The following RBFOX1 variants were observed in gnomAD, a reference collection of about 807,000 sequenced individuals.
RBFOX1 encodes RNA binding fox-1 homolog 1, also known as RNA binding protein fox-1 homolog 1.
A neutral mutation model predicts 57.7 loss-of-function variants in RBFOX1; 8 were observed. The ratio of observed to expected loss-of-function variants is 0.14; its 90% CI spans 0.08 to 0.25. The LOEUF (loss-of-function observed/expected upper bound fraction) is 0.25, where lower values mean the gene tolerates loss of function less well. Among genes scored for constraint, RBFOX1 ranks in the 10% least tolerant of loss-of-function variants. The pLI, the probability that RBFOX1 is intolerant of heterozygous loss-of-function variation, is 1.00. For synonymous variants in RBFOX1, 326 were observed against 222.4 expected (o/e 1.47, Z -4.15); for missense variants, 611 against 548.5 (o/e 1.11, Z -1.14).
At chr16:6,167,827 A>G (rs941007168) in intron 1 of RBFOX1, among the ~76,000 whole-genome samples, 1 of 152,160 alleles carries the variant, frequency 6.6e-6, no homozygotes, top group Non-Finnish European at 1.5e-5. Context: ...CATAGCAGGC[A>G]TCTAAGGCTT....
At chr16:6,477,670 C>T (rs927856301) in intron 2 of RBFOX1, among the ~76,000 whole-genome samples, 1 of 152,192 alleles carries the variant, frequency 6.6e-6, no homozygotes, top group Admixed American at 6.5e-5. Context: ...GCTGTATTAG[C>T]CCCTAATAAG....
chr16:6,859,556 A>C (rs2142459617), intron 3 of RBFOX1, among the ~76,000 whole-genome samples: 1 of 152,110 alleles, frequency 6.6e-6, no homozygotes, highest in South Asian at 2.1e-4. Context: ...CTGCCTGTGG[A>C]AATCTGAATT....
At chr16:7,360,090 C>T (rs757605322) in intron 4 of RBFOX1, among the ~76,000 whole-genome samples, 1 of 152,104 alleles carries the variant, frequency 6.6e-6, no homozygotes, top group Non-Finnish European at 1.5e-5. Context: ...ATATTCCCTC[C>T]CCCTATGATG....
At chr16:5,286,017 A>G (rs545905375) in intron 1 of RBFOX1, among the ~76,000 whole-genome samples, 3 of 152,264 alleles carry the variant, frequency 2.0e-5, no homozygotes, top group African/African-American at 4.8e-5. Flanking sequence ...TGATCTGCCC[A>G]CATCGGCCTC....
At chr16:5,734,065 C>G (rs187930318) in intron 3 of RBFOX1, among the ~76,000 whole-genome samples, 5 of 152,152 alleles carry the variant, frequency 3.3e-5, no homozygotes, top group African/African-American at 1.2e-4. Flanking sequence ...GGCACTTTCC[C>G]AGGGTGTTTA....
intron 2 of RBFOX1, among the ~76,000 whole-genome samples, chr16:6,545,686 T>C (rs115777943): frequency 4.3e-4 from 66 of 152,326 alleles, no homozygotes; most frequent in African/African-American, 1.5e-3. Flanking sequence ...CCAGAACCCA[T>C]GTTAGTGGCA....
intron 1 of RBFOX1, among the ~76,000 whole-genome samples, chr16:5,370,258 CAACAGACTTGT>C (rs1196463868): frequency 2.0e-5 from 3 of 152,132 alleles, no homozygotes; most frequent in Non-Finnish European, 2.9e-5. Context: ...ATTGAAAGCA[CAACAGACTTGT>C]AACAGACAAG....
At chr16:6,513,471 C>T (rs900980701) in intron 2 of RBFOX1, among the ~76,000 whole-genome samples, 6 of 152,144 alleles carry the variant, frequency 3.9e-5, no homozygotes, top group South Asian at 2.1e-4. Context: ...CGGTGGCTCA[C>T]GTCTGTAATC....
intron 4 of RBFOX1, among the ~76,000 whole-genome samples, chr16:7,457,111 T>C (rs2058682603): frequency 6.6e-6 from 1 of 151,916 alleles, no homozygotes; most frequent in African/African-American, 2.4e-5. Flanking sequence ...GGTCTCGAAC[T>C]CCTGACCTCA....
chr16:5,819,017 C>A (rs943060355), intron 3 of RBFOX1, among the ~76,000 whole-genome samples: 1 of 152,180 alleles, frequency 6.6e-6, no homozygotes, highest in East Asian at 1.9e-4. Flanking sequence ...TGCTCCATTT[C>A]CCCCTCCTTG....
intron 4 of RBFOX1, among the ~76,000 whole-genome samples, chr16:5,978,340 TA>T (rs199555077): frequency 0.013 from 1,931 of 151,590 alleles, 37 homozygotes; most frequent in African/African-American, 0.044. Flanking sequence ...AAATAAAAAA[TA>T]AAAAAAATAA....
intron 3 of RBFOX1, among the ~76,000 whole-genome samples, chr16:6,777,379 A>G (rs1038629660): frequency 5.3e-5 from 8 of 152,186 alleles, no homozygotes; most frequent in African/African-American, 1.4e-4. Context: ...TCCCTGAGAA[A>G]GAGAACCGAG....
chr16:6,729,107 A>AT (rs1296952367), intron 3 of RBFOX1, among the ~76,000 whole-genome samples: 2 of 152,148 alleles, frequency 1.3e-5, no homozygotes, highest in Non-Finnish European at 2.9e-5. Context: ...TGAAATGGAG[A>AT]TACTAAACTA....
intron 3 of RBFOX1, among the ~76,000 whole-genome samples, chr16:6,869,529 T>C (rs574269358): frequency 6.6e-6 from 1 of 152,206 alleles, no homozygotes; most frequent in South Asian, 2.1e-4. Flanking sequence ...AAGGGTTTTA[T>C]GAATCCTTTT....
At chr16:6,343,514 A>G (rs1373739154) in intron 2 of RBFOX1, among the ~76,000 whole-genome samples, 1 of 152,224 alleles carries the variant, frequency 6.6e-6, no homozygotes, top group Non-Finnish European at 1.5e-5. Flanking sequence ...CTGAGGTGGA[A>G]CATATTTCCT....
chr16:7,666,056 G>T (rs928920023), intron 13 of RBFOX1, among the ~76,000 whole-genome samples: 3 of 152,144 alleles, frequency 2.0e-5, no homozygotes, highest in African/African-American at 7.2e-5. Flanking sequence ...AATTCACTCA[G>T]TGATCAATTT....
At chr16:7,149,392 C>G (rs371896296) in intron 4 of RBFOX1, among the ~76,000 whole-genome samples, 1 of 152,080 alleles carries the variant, frequency 6.6e-6, no homozygotes, top group Admixed American at 6.6e-5. Context: ...CCACTCCATT[C>G]CCACTGGTGA....
At chr16:6,539,292 T>C (rs568476366) in intron 2 of RBFOX1, among the ~76,000 whole-genome samples, 10 of 152,268 alleles carry the variant, frequency 6.6e-5, no homozygotes, top group African/African-American at 2.4e-4. Context: ...TCCTTGTGCC[T>C]CTGTTTTCCC....
At chr16:7,421,333 A>T (rs545208480) in intron 4 of RBFOX1, among the ~76,000 whole-genome samples, 46 of 152,318 alleles carry the variant, frequency 3.0e-4, no homozygotes, top group African/African-American at 1.1e-3. Context: ...CTTCTGGTTG[A>T]TTCTTAAACT....
Sources: allele counts gnomAD v4.1 joint callset (sites outside exome capture counted in the v4.1 genomes callset), GRCh38; gene constraint gnomAD v4.1.1; transcripts MANE v1.5; gene names NCBI Gene and HGNC (gene_info 2026-07-23, HGNC 2026-07-21).